Variants in SNRPN observed in about 807,000 individuals in gnomAD.
The protein encoded by SNRPN is small nuclear ribonucleoprotein-associated protein N.
SNRPN carries 7 observed loss-of-function variants against 25.2 expected under a neutral mutation model. The ratio of observed to expected loss-of-function variants is 0.28; its 90% CI spans 0.16 to 0.52. The LOEUF is 0.52. Ranked by LOEUF, SNRPN falls within the 20% of genes least tolerant of loss-of-function variation. SNRPN has a pLI of 0.96. For missense variants in SNRPN, 196 were observed against 322.5 expected (o/e 0.61, Z 3.00); for synonymous variants, 124 against 110.6 (o/e 1.12, Z -0.76).
At chr15:24,900,335 C>G (rs2058369295) in intron 2 of SNRPN, among the ~76,000 whole-genome samples, 1 of 152,048 alleles carries the variant, frequency 6.6e-6, no homozygotes, top group South Asian at 2.1e-4. Context: ...ATATCAAAAC[C>G]AAGAATGAGA....
chr15:24,889,989 G>A (rs1046851738), intron 2 of SNRPN, among the ~76,000 whole-genome samples: 71 of 148,464 alleles, frequency 4.8e-4, no homozygotes, highest in Admixed American at 2.3e-3. Flanking sequence ...GGCAGAGGTT[G>A]CAGTGAGCTG....
At chr15:24,952,582 T>G (rs1242357534), upstream of SNRPN, among the ~76,000 whole-genome samples, 1 of 152,162 alleles carries the variant, frequency 6.6e-6, no homozygotes, top group Non-Finnish European at 1.5e-5. Context: ...TTGTGACCTC[T>G]CAGACTCCAA....
intron 2 of SNRPN, among the ~76,000 whole-genome samples, chr15:24,893,918 GA>G (rs922869615): frequency 4.6e-5 from 7 of 152,038 alleles, no homozygotes; most frequent in Non-Finnish European, 1.0e-4. Flanking sequence ...AAGGAAAAAG[GA>G]AAAAAACCCA....
intron 1 of SNRPN, among the ~76,000 whole-genome samples, chr15:24,959,298 A>G (rs2074384922): frequency 6.6e-6 from 1 of 152,134 alleles, no homozygotes; most frequent in Admixed American, 6.5e-5. Context: ...TGTTTTCAAA[A>G]TCTTATAGAT....
chr15:24,895,237 C>G (rs532960576), intron 2 of SNRPN, among the ~76,000 whole-genome samples: 1 of 152,132 alleles, frequency 6.6e-6, no homozygotes, highest in Non-Finnish European at 1.5e-5. Flanking sequence ...AAAAGCCCTT[C>G]CCAGGTTTTA....
chr15:24,937,659 CA>C (rs1187710561), intron 3 of SNRPN, among the ~76,000 whole-genome samples: 2 of 152,184 alleles, frequency 1.3e-5, no homozygotes, highest in African/African-American at 4.8e-5. Flanking sequence ...TTACCCGTTT[CA>C]GGGGCACTAA....
intron 1 of SNRPN, among the ~76,000 whole-genome samples, chr15:24,858,676 C>CT (rs769856474): frequency 1.3e-5 from 2 of 151,636 alleles, no homozygotes; most frequent in Non-Finnish European, 2.9e-5. Flanking sequence ...TGATATGCAC[C>CT]TGTAATCCCA....
At chr15:24,834,786 C>T (rs1205991068) in intron 2 of SNRPN, among the ~76,000 whole-genome samples, 3 of 109,430 alleles carry the variant, frequency 2.7e-5, no homozygotes, top group South Asian at 2.8e-4. Context: ...TATAGCCAGG[C>T]GTGGTGGCAG....
Position 24,955,072 on chromosome 15 carries a change from G to A in SNRPN, c.-391+10G>A, listed in dbSNP as rs2062613935. The stretch of plus-strand genomic sequence containing the variant: ...CGATGGAGCGGGCAAGGTCAGCTGT[G>A]CCGGTGGCTTCTCTCAAGAGACAGC... On this transcript the variant is annotated intron_variant, in intron 1 of 9. Coordinates refer to ENST00000390687, the MANE Select transcript of SNRPN (RefSeq NM_003097.6). 6.2e-7 allele frequency: 1 copy of A among 1,613,552 alleles called. No individual in the cohort carries two copies. The highest frequency in any genetic ancestry group is 8.5e-7 in the Non-Finnish European group (1 of 1,180,018).
rs888392971 is a variant in SNRPN at position 24,972,603 on chromosome 15, G to C, written c.-143-1708G>C. Among the ~76,000 whole-genome samples the C allele has an allele frequency of 6.3e-4, 94 of 148,946 alleles. 1 individual carries two copies. Among genetic ancestry groups the C allele is most frequent in the Non-Finnish European group, 2.1e-4 (14 of 67,516 alleles). On this transcript the variant is annotated intron_variant, in intron 3 of 9. Transcript: ENST00000390687. ...TTGCTGCCCAGGCTGGAGTGCAATG[G>C]TGCGATCTCCGCTCAAAAAGATACT...
intron 2 of SNRPN, among the ~76,000 whole-genome samples, chr15:24,834,710 A>C (rs10152199): frequency 0.45 from 50,952 of 113,066 alleles, 10,013 homozygotes; most frequent in East Asian, 0.59. Flanking sequence ...ACTGAGTGAG[A>C]CCTTGTCTCT....
chr15:24,877,606 C>G (rs531632671), intron 1 of SNRPN, among the ~76,000 whole-genome samples: 203 of 152,212 alleles, frequency 1.3e-3, no homozygotes, highest in Middle Eastern at 3.4e-3. Context: ...CGGCGGATCA[C>G]CTGAGGTCAG....
chr15:24,906,449 A>G (rs2058814613), intron 2 of SNRPN, among the ~76,000 whole-genome samples: 1 of 152,154 alleles, frequency 6.6e-6, no homozygotes, highest in East Asian at 1.9e-4. Context: ...ATCTATTTTT[A>G]CAGAGAGCTA....
rs552258294 is a variant in SNRPN, at chr15:24,967,467, C to A, written c.-294-465C>A. On this transcript the variant is annotated intron_variant, in intron 2 of 9. Transcript: ENST00000390687. The stretch of plus-strand genomic sequence containing the variant: ...TCAGCCTGGCCAACATGGTGAAACC[C>A]CATCTCTACTAAAAATACAAAAAAA... 1.2e-3 allele frequency among the ~76,000 whole-genome samples: 180 copies of A among 151,986 alleles called. 1 individual carries two copies. Among genetic ancestry groups the A allele is most frequent in the African/African-American group, 4.2e-3 (176 of 41,434 alleles).
At chr15:24,977,552 C>A (rs1033217110) in intron 7 of SNRPN, among the ~76,000 whole-genome samples, 3 of 152,012 alleles carry the variant, frequency 2.0e-5, no homozygotes, top group Non-Finnish European at 4.4e-5. Context: ...ACAGGAGAAT[C>A]GCTTGAACCC....
At chr15:24,882,401 G>A (rs1040083190) in intron 1 of SNRPN, among the ~76,000 whole-genome samples, 9 of 152,138 alleles carry the variant, frequency 5.9e-5, no homozygotes, top group Admixed American at 5.9e-4. Context: ...TTTATTTAAT[G>A]AGTTTCAAAA....
intron 2 of SNRPN, among the ~76,000 whole-genome samples, chr15:24,918,497 T>C (rs372401525): frequency 2.0e-3 from 251 of 123,056 alleles, no homozygotes; most frequent in East Asian, 0.013. Context: ...TATATATGTG[T>C]GTATATATAA....
intron 2 of SNRPN, among the ~76,000 whole-genome samples, chr15:24,916,531 T>G (rs1283309883): frequency 6.6e-6 from 1 of 151,764 alleles, no homozygotes; most frequent in African/African-American, 2.4e-5. Flanking sequence ...CTCCAGCCCA[T>G]GTGATAGAAC....
At chr15:24,957,310 C>G (rs537633707) in intron 1 of SNRPN, among the ~76,000 whole-genome samples, 1 of 152,252 alleles carries the variant, frequency 6.6e-6, no homozygotes, top group East Asian at 1.9e-4. Flanking sequence ...TTGAAAGCTG[C>G]AAGTTTTGTG....
Sources: allele counts gnomAD v4.1 joint callset (sites outside exome capture counted in the v4.1 genomes callset), GRCh38; gene constraint gnomAD v4.1.1; transcripts MANE v1.5; gene names NCBI Gene and HGNC (gene_info 2026-07-23, HGNC 2026-07-21).